Variants in CNTN5 observed in about 807,000 individuals in gnomAD.
The protein encoded by CNTN5 is contactin-5.
In CNTN5, 77 loss-of-function variants were observed where a neutral mutation model predicts 129.1. The ratio of observed to expected loss-of-function variants is 0.60; its 90% confidence interval spans 0.50 to 0.72. The LOEUF is 0.72. Among genes scored for constraint, CNTN5 ranks in the 30% least tolerant of loss-of-function variants. CNTN5 has a pLI of 0.00. For missense variants in CNTN5, 1,478 were observed against 1,328.8 expected, an observed-to-expected ratio of 1.11 and a Z score of -1.75; for synonymous variants, 509 against 465.6, an observed-to-expected ratio of 1.09 and a Z score of -1.20.
rs558888997 is a variant in CNTN5, at chr11:100,037,918, A to G, written c.981-23294A>G. Among the ~76,000 whole-genome samples the G allele has an allele frequency of 1.1e-4, 16 of 152,172 alleles. No homozygotes were observed. In the East Asian group the frequency reaches 2.9e-3, roughly 28 times the overall value. On this transcript the variant is annotated intron_variant, in intron 9 of 24. Transcript: ENST00000524871. Reference sequence around the variant, plus strand: ...ATTTTGTTGATCTTTTCAAAAAACCAGCTCCTGGATTCATTGATTTTTTGA... The same window carrying G: ...ATTTTGTTGATCTTTTCAAAAAACCGGCTCCTGGATTCATTGATTTTTTGA...
At chr11:99,320,390 T>C (rs1467752095) in intron 1 of CNTN5, among the ~76,000 whole-genome samples, 1 of 152,178 alleles carries the variant, frequency 6.6e-6, no homozygotes, top group East Asian at 1.9e-4. Flanking sequence ...GAAGCAGGCA[T>C]AGTTCCTAGT....
chr11:99,416,771 G>C (rs1209358480), intron 2 of CNTN5, among the ~76,000 whole-genome samples: 1 of 152,148 alleles, frequency 6.6e-6, no homozygotes, highest in African/African-American at 2.4e-5. Context: ...AAGTTTTATA[G>C]GGTTGTGCTG....
chr11:99,359,821 C>G (rs1938977066), intron 2 of CNTN5, among the ~76,000 whole-genome samples: 1 of 151,756 alleles, frequency 6.6e-6, no homozygotes, highest in Non-Finnish European at 1.5e-5. Flanking sequence ...AAGCATACAA[C>G]AGACATTCTA....
intron 2 of CNTN5, among the ~76,000 whole-genome samples, chr11:99,458,408 T>G (rs1944570071): frequency 6.6e-6 from 1 of 151,928 alleles, no homozygotes. Flanking sequence ...GGCTCACACA[T>G]GAGAATTGCG....
chr11:100,162,280 T>C lies in CNTN5; in HGVS notation c.1581-28846T>C, dbSNP rs551570525. On this transcript the variant is annotated intron_variant, in intron 13 of 24. Coordinates refer to ENST00000524871, the MANE Select transcript of CNTN5 (RefSeq NM_014361.4). The stretch of plus-strand genomic sequence containing the variant: ...CATAAATGTTAATGATTCTAGTTCT[T>C]CCATGCCCAATCAATGATAATGCAG... Among the ~76,000 whole-genome samples, 9 of 151,972 alleles carry C rather than the reference T, an allele frequency of 5.9e-5. No individual in the cohort carries two copies. In the South Asian group the frequency reaches 1.7e-3, roughly 28 times the overall value.
chr11:99,517,605 A>T (rs897492716), intron 2 of CNTN5, among the ~76,000 whole-genome samples: 1 of 151,970 alleles, frequency 6.6e-6, no homozygotes, highest in Non-Finnish European at 1.5e-5. Context: ...ATGTCTGAGT[A>T]TTTTCTCACC....
At chr11:99,542,506 T>A (rs1488179403) in intron 2 of CNTN5, among the ~76,000 whole-genome samples, 1 of 152,188 alleles carries the variant, frequency 6.6e-6, no homozygotes, top group Admixed American at 6.5e-5. Context: ...CCAAAATAAT[T>A]GTGGGTTTTG....
chr11:100,332,103 A>AAAGAAG (rs1405016028), intron 21 of CNTN5, among the ~76,000 whole-genome samples: 1 of 152,190 alleles, frequency 6.6e-6, no homozygotes, highest in African/African-American at 2.4e-5. Flanking sequence ...TTAAACAAGA[A>AAAGAAG]AAGAAGAGAG....
chr11:99,121,728 C>T (rs549911342), intron 1 of CNTN5, among the ~76,000 whole-genome samples: 1 of 152,250 alleles, frequency 6.6e-6, no homozygotes, highest in East Asian at 1.9e-4. Flanking sequence ...TATGACCCTT[C>T]TGCCTACAGT....
intron 2 of CNTN5, among the ~76,000 whole-genome samples, chr11:99,463,164 C>T (rs1236511650): frequency 8.3e-5 from 8 of 96,794 alleles, no homozygotes; most frequent in Non-Finnish European, 1.1e-4. Context: ...AAAGTCCAGG[C>T]GCGGTGACTC....
intron 2 of CNTN5, among the ~76,000 whole-genome samples, chr11:99,525,763 G>T (rs563537974): frequency 6.6e-6 from 1 of 152,164 alleles, no homozygotes; most frequent in East Asian, 1.9e-4. Flanking sequence ...AGTCTTGAGC[G>T]TGAATTTCTA....
intron 1 of CNTN5, among the ~76,000 whole-genome samples, chr11:99,156,425 C>T (rs2135501848): frequency 6.6e-6 from 1 of 152,106 alleles, no homozygotes; most frequent in South Asian, 2.1e-4. Context: ...AGAAGGTGCA[C>T]AGATAACTGG....
At chr11:100,355,410 A>G (rs1952499655) in intron 24 of CNTN5, among the ~76,000 whole-genome samples, 1 of 151,758 alleles carries the variant, frequency 6.6e-6, no homozygotes, top group Non-Finnish European at 1.5e-5. Context: ...TCTGAAGGAC[A>G]TGCCTGAAGT....
At chr11:99,025,464 A>G (rs1472526928) in intron 1 of CNTN5, among the ~76,000 whole-genome samples, 1 of 151,860 alleles carries the variant, frequency 6.6e-6, no homozygotes, top group East Asian at 1.9e-4. Flanking sequence ...TATAGCTGCT[A>G]ACAACCCAGA....
At chr11:100,160,673 T>C (rs1947417399) in intron 13 of CNTN5, among the ~76,000 whole-genome samples, 1 of 151,912 alleles carries the variant, frequency 6.6e-6, no homozygotes, top group Non-Finnish European at 1.5e-5. Context: ...TTACTTCTAC[T>C]TATGGGGAAA....
At chr11:99,162,935 AAC>A (rs1293348779) in intron 1 of CNTN5, among the ~76,000 whole-genome samples, 36 of 152,308 alleles carry the variant, frequency 2.4e-4, no homozygotes, top group African/African-American at 8.4e-4. Flanking sequence ...TGTTTTTAGA[AAC>A]ACAGTGAATT....
At position 99,599,535 on chromosome 11, in the gene CNTN5, T is replaced by C. The variant is rs75932374; in HGVS notation, c.55+43266T>C. 1.2e-3 allele frequency among the ~76,000 whole-genome samples: 178 copies of C among 152,304 alleles called. 1 individual carries two copies. Among genetic ancestry groups the C allele is most frequent in the African/African-American group, 4.1e-3 (170 of 41,580 alleles). The stretch of plus-strand genomic sequence containing the variant: ...TGTTATTTCCAAATAGTGTTCTATG[T>C]TGAAGGGCACAGATGTTATTACATT... On this transcript the variant is annotated intron_variant, in intron 3 of 24. Coordinates refer to ENST00000524871, the MANE Select transcript of CNTN5 (RefSeq NM_014361.4).
At chr11:99,971,946 A>C (rs898008546) in intron 8 of CNTN5, among the ~76,000 whole-genome samples, 1 of 150,436 alleles carries the variant, frequency 6.6e-6, no homozygotes, top group African/African-American at 2.5e-5. Flanking sequence ...GACAATGCTT[A>C]AGAAAAAAAA....
chr11:99,947,328 A>G (rs1176858348), intron 7 of CNTN5, among the ~76,000 whole-genome samples: 1 of 145,518 alleles, frequency 6.9e-6, no homozygotes, highest in Non-Finnish European at 1.5e-5. Context: ...AGAGATAAAT[A>G]TGTGTTTTAT....
Sources: allele counts gnomAD v4.1 joint callset (sites outside exome capture counted in the v4.1 genomes callset), GRCh38; gene constraint gnomAD v4.1.1; transcripts MANE v1.5; gene names NCBI Gene and HGNC (gene_info 2026-07-23, HGNC 2026-07-21).